The following MAPK10 variants were observed in gnomAD, a reference collection of about 807,000 sequenced individuals.
MAPK10 encodes the protein JNK3 alpha protein kinase.
In MAPK10, 25 loss-of-function variants were observed where a neutral mutation model predicts 59.3. The observed-to-expected ratio is 0.42, with a 90% CI of 0.31 to 0.59. The LOEUF (loss-of-function observed/expected upper bound fraction) is 0.59. Among genes scored for constraint, MAPK10 ranks in the 20% least tolerant of loss-of-function variants. The pLI, the probability that MAPK10 is intolerant of heterozygous loss-of-function variation, is 0.15. For missense variants in MAPK10, 351 were observed against 568.9 expected (o/e 0.62, Z 3.90); for synonymous variants, 190 against 200.5 (o/e 0.95, Z 0.44).
chr4:86,365,327 G>A (rs559382563), intron 1 of MAPK10, among the ~76,000 whole-genome samples: 1 of 151,106 alleles, frequency 6.6e-6, no homozygotes, highest in South Asian at 2.1e-4. Context: ...AGCTACCTGG[G>A]AGGCTGAGGC....
chr4:86,321,337 A>G (rs1196340722), intron 2 of MAPK10, among the ~76,000 whole-genome samples: 2 of 151,816 alleles, frequency 1.3e-5, no homozygotes, highest in Non-Finnish European at 2.9e-5. Context: ...AACCAACCCA[A>G]ATGTCCAACA....
Position 86,274,753 on chromosome 4 carries a change from G to C in MAPK10, c.-7+79777C>G, listed in dbSNP as rs139772815. On this transcript the variant is annotated intron_variant, in intron 2 of 13. Transcript: ENST00000641462. ...GTCTCCTCACACATTAATAATTTCT[G>C]TCCCTGTTACACACATATCACCTCT... is the stretch of plus-strand genomic sequence containing the variant. 7.5e-3 allele frequency among the ~76,000 whole-genome samples: 1,146 copies of C among 152,006 alleles called. 10 individuals are homozygous for C. The highest frequency in any genetic ancestry group is 0.025 in the African/African-American group (1,047 of 41,516).
At chr4:86,397,206 A>C (rs1743055928) in intron 1 of MAPK10, among the ~76,000 whole-genome samples, 2 of 152,242 alleles carry the variant, frequency 1.3e-5, no homozygotes, top group Non-Finnish European at 2.9e-5. Context: ...CAGTGAGAAG[A>C]AATTATAAAT....
intron 2 of MAPK10, among the ~76,000 whole-genome samples, chr4:86,291,444 A>C (rs749580737): frequency 2.2e-4 from 33 of 152,202 alleles, no homozygotes; most frequent in South Asian, 6.2e-4. Flanking sequence ...AATGCTTCTT[A>C]GTGAAAAGGC....
chr4:86,530,479 C>A (rs1220436269), intron 1 of MAPK10, among the ~76,000 whole-genome samples: 1 of 152,216 alleles, frequency 6.6e-6, no homozygotes, highest in Non-Finnish European at 1.5e-5. Flanking sequence ...CTGTCCTAGT[C>A]TGTTCAGGCT....
Position 86,335,184 on chromosome 4 carries a change from A to C in MAPK10, c.-7+19346T>G, listed in dbSNP as rs561051679. The C allele has an allele frequency of 3.3e-5, 5 of 152,300 alleles. No individual in the cohort carries two copies. The South Asian group carries it at 8.3e-4, about 25-fold the overall frequency. 9.4% of individuals were successfully genotyped at this position (152,300 alleles called of 1,614,324 possible). On this transcript the variant is annotated intron_variant, in intron 2 of 13. Transcript: ENST00000641462. ...GAACGAAATGAAAGGTAATCTATCAAATAGCTGAGATAATCCCTGATACAT... is the reference window on the plus strand; with the variant it reads ...GAACGAAATGAAAGGTAATCTATCACATAGCTGAGATAATCCCTGATACAT...
intron 1 of MAPK10, among the ~76,000 whole-genome samples, chr4:86,561,655 A>C (rs1760691344): frequency 6.6e-6 from 1 of 152,250 alleles, no homozygotes; most frequent in South Asian, 2.1e-4. Context: ...ATTGAGTAAT[A>C]GTCTAATTGT....
At chr4:86,579,530 C>CACAG in intron 1 of MAPK10, among the ~76,000 whole-genome samples, 1 of 137,752 alleles carries the variant, frequency 7.3e-6, no homozygotes, top group East Asian at 1.9e-4. Context: ...CACACACACA[C>CACAG]ACACACACAC....
chr4:86,090,774 A>G (rs1407174705), intron 9 of MAPK10: 1 of 152,208 alleles, frequency 6.6e-6, no homozygotes, highest in Non-Finnish European at 1.5e-5. Flanking sequence ...GAAGAGATAT[A>G]CAAAAAACAT....
At chr4:86,349,618 A>G (rs980694503) in intron 2 of MAPK10, among the ~76,000 whole-genome samples, 2 of 152,230 alleles carry the variant, frequency 1.3e-5, no homozygotes, top group Non-Finnish European at 2.9e-5. Flanking sequence ...GAATGATTGA[A>G]TGCTGGATGA....
intron 2 of MAPK10, among the ~76,000 whole-genome samples, chr4:86,241,474 T>C (rs11931070): frequency 0.085 from 12,919 of 152,214 alleles, 1,216 homozygotes; most frequent in African/African-American, 0.23. Flanking sequence ...CAATCAATTG[T>C]AGCTTTGGTC....
At chr4:86,274,830 C>T (rs992222700) in intron 2 of MAPK10, among the ~76,000 whole-genome samples, 2 of 151,996 alleles carry the variant, frequency 1.3e-5, no homozygotes, top group African/African-American at 4.8e-5. Context: ...AGTCACCTCA[C>T]AGCCAACAGT....
intron 2 of MAPK10, among the ~76,000 whole-genome samples, chr4:86,237,768 G>A (rs764035533): frequency 9.9e-5 from 15 of 152,022 alleles, no homozygotes; most frequent in Non-Finnish European, 2.1e-4. Context: ...TGGGTAGATT[G>A]CAAAAATTTT....
At chr4:86,382,508 A>G (rs932472073) in intron 1 of MAPK10, among the ~76,000 whole-genome samples, 6 of 152,144 alleles carry the variant, frequency 3.9e-5, no homozygotes, top group African/African-American at 1.4e-4. Flanking sequence ...TCACCTGTGG[A>G]CCGAAAAGCA....
chr4:86,441,709 G>T (rs1307537328), intron 1 of MAPK10, among the ~76,000 whole-genome samples: 1 of 152,124 alleles, frequency 6.6e-6, no homozygotes, highest in Non-Finnish European at 1.5e-5. Context: ...AAAAAACATG[G>T]ACTAGGCTGT....
rs1741946109 is a variant in MAPK10, at chr4:86,013,251, T to G, written c.*3977A>C. 2.0e-5 allele frequency: 3 copies of G among 152,106 alleles called. No homozygotes were observed. Among genetic ancestry groups the G allele is most frequent in the Admixed American group, 1.3e-4 (2 of 15,278 alleles). 9.4% of individuals were successfully genotyped at this position (152,106 alleles called of 1,614,324 possible). A position where few individuals can be genotyped will look rare whatever the true frequency, so the allele number is the denominator to read the frequency against. ...TAAAATAACTATTTACATTGCAACTTTTTTGTTGTTTTTACAGAGAGGAGT... is the reference window on the plus strand; with the variant it reads ...TAAAATAACTATTTACATTGCAACTGTTTTGTTGTTTTTACAGAGAGGAGT... On this transcript the variant is annotated 3_prime_UTR_variant, in exon 14 of 14. Coordinates refer to ENST00000641462, the MANE Select transcript of MAPK10 (RefSeq NM_138982.4).
chr4:86,572,439 A>G (rs896914901), intron 1 of MAPK10, among the ~76,000 whole-genome samples: 9 of 152,144 alleles, frequency 5.9e-5, no homozygotes, highest in Non-Finnish European at 8.8e-5. Flanking sequence ...ACCTTGTGCT[A>G]GCTGTGAGTC....
rs111925188 is a variant in MAPK10 at position 86,407,021 on chromosome 4, C to T, written c.-122+46009G>A. Among the ~76,000 whole-genome samples the T allele has an allele frequency of 9.9e-3, 1,507 of 152,278 alleles. 18 individuals are homozygous for T. Among genetic ancestry groups the T allele is most frequent in the African/African-American group, 0.034 (1,429 of 41,536 alleles). On this transcript the variant is annotated intron_variant, in intron 1 of 13. Transcript: ENST00000361569. Reference sequence around the variant, plus strand: ...ATGGGATGGGGGCTCACATGTTCCTCATAGACAAGGAATGAATCTCTGGTA... The same window carrying T: ...ATGGGATGGGGGCTCACATGTTCCTTATAGACAAGGAATGAATCTCTGGTA...
upstream of MAPK10, among the ~76,000 whole-genome samples, chr4:86,456,972 T>G (rs1751296064): frequency 6.6e-6 from 1 of 152,148 alleles, no homozygotes; most frequent in Non-Finnish European, 1.5e-5. Flanking sequence ...ATCAAGTGGG[T>G]TTCATACCAG....
Sources: allele counts gnomAD v4.1 joint callset (sites outside exome capture counted in the v4.1 genomes callset), GRCh38; gene constraint gnomAD v4.1.1; transcripts MANE v1.5; gene names NCBI Gene and HGNC (gene_info 2026-07-23, HGNC 2026-07-21).